The following GALNTL6 variants were observed in gnomAD, a reference collection of about 807,000 sequenced individuals.
The protein encoded by GALNTL6 is polypeptide N-acetylgalactosaminyltransferase-like 6.
GALNTL6 carries 46 observed loss-of-function variants against 73.7 expected under a neutral mutation model. The observed-to-expected ratio is 0.62, with a 90% CI of 0.49 to 0.80. The LOEUF is 0.80. Among genes scored for constraint, GALNTL6 ranks in the 30% least tolerant of loss-of-function variants. The pLI, the probability that GALNTL6 is intolerant of heterozygous loss-of-function variation, is 0.00. For synonymous variants in GALNTL6, 259 were observed against 263.7 expected, an observed-to-expected ratio of 0.98 and a Z score of 0.17; for missense variants, 604 against 755.0, an observed-to-expected ratio of 0.80 and a Z score of 2.34.
At position 172,739,542 on chromosome 4, in the gene GALNTL6, G is replaced by C. The variant is rs138160229; in HGVS notation, c.554-69819G>C. 1.7e-3 allele frequency among the ~76,000 whole-genome samples: 254 copies of C among 152,234 alleles called. 1 individual carries two copies. The highest frequency in any genetic ancestry group is 5.9e-3 in the African/African-American group (247 of 41,540). The stretch of plus-strand genomic sequence containing the variant: ...GCCTTAAAATTAGAAAATTTGGCAA[G>C]AGCTTATCTCAATCATTAAACCAGA... On this transcript the variant is annotated intron_variant, in intron 5 of 12. Transcript: ENST00000506823.
rs550717083 is a variant in GALNTL6 at position 172,128,528 on chromosome 4, G to C, written c.139-101128G>C. On this transcript the variant is annotated intron_variant, in intron 2 of 12. Transcript: ENST00000506823. ...TTCTGATAATACAGGAACTGTTTAC[G>C]TGGCTAAAATTTTGCCCTGATAGGT... 5.3e-5 allele frequency among the ~76,000 whole-genome samples: 8 copies of C among 152,228 alleles called. 1 individual carries two copies. In the South Asian group the frequency reaches 1.7e-3, roughly 32 times the overall value.
intron 8 of GALNTL6, among the ~76,000 whole-genome samples, chr4:172,898,024 G>C (rs1424406784): frequency 6.8e-6 from 1 of 147,172 alleles, no homozygotes; most frequent in African/African-American, 2.7e-5. Flanking sequence ...AAAACATACA[G>C]ATAGAAGAAT....
chr4:172,288,223 T>C (rs937267714), intron 3 of GALNTL6, among the ~76,000 whole-genome samples: 1 of 151,994 alleles, frequency 6.6e-6, no homozygotes, highest in Non-Finnish European at 1.5e-5. Flanking sequence ...CCTGAGTAGC[T>C]GGGACTACAG....
chr4:172,825,078 TTTTCTTTCTTTCTTTC>T (rs70944424), intron 7 of GALNTL6, among the ~76,000 whole-genome samples: 1,564 of 105,622 alleles, frequency 0.015, 24 homozygotes, highest in South Asian at 0.062. Flanking sequence ...TTTGGTTATC[TTTTCTTTCTTTCTTTC>T]TTTCTTTCTT....
chr4:172,688,955 C>G (rs1300325153), intron 5 of GALNTL6, among the ~76,000 whole-genome samples: 4 of 28,590 alleles, frequency 1.4e-4, no homozygotes, highest in Non-Finnish European at 3.2e-4. Context: ...TTTCCCAACT[C>G]CCTACTCAGT....
At chr4:172,249,564 G>T (rs1158617325) in intron 3 of GALNTL6, among the ~76,000 whole-genome samples, 2 of 152,114 alleles carry the variant, frequency 1.3e-5, no homozygotes, top group Non-Finnish European at 2.9e-5. Flanking sequence ...TCACAAACCT[G>T]GAGGCCTAGG....
chr4:172,217,748 C>T (rs74548553), intron 2 of GALNTL6, among the ~76,000 whole-genome samples: 10,803 of 152,070 alleles, frequency 0.071, 410 homozygotes, highest in African/African-American at 0.091. Flanking sequence ...AAATTTTGTC[C>T]TATATGAATA....
chr4:172,203,301 A>G (rs1345266168), intron 2 of GALNTL6, among the ~76,000 whole-genome samples: 4 of 152,216 alleles, frequency 2.6e-5, no homozygotes, highest in African/African-American at 4.8e-5. Flanking sequence ...AGAAAATGCA[A>G]AGAAAGGGAA....
chr4:172,141,664 G>A (rs1368778082), intron 2 of GALNTL6, among the ~76,000 whole-genome samples: 1 of 151,792 alleles, frequency 6.6e-6, no homozygotes, highest in Non-Finnish European at 1.5e-5. Flanking sequence ...CAACAAAAGA[G>A]GATGGCAGAA....
intron 8 of GALNTL6, among the ~76,000 whole-genome samples, chr4:172,917,153 T>C (rs973351209): frequency 2.0e-5 from 3 of 152,194 alleles, no homozygotes. Flanking sequence ...GGGGAAAGGA[T>C]TCCCTATTTA....
intron 5 of GALNTL6, among the ~76,000 whole-genome samples, chr4:172,512,217 G>T (rs1424773257): frequency 1.9e-5 from 1 of 54,044 alleles, no homozygotes. Flanking sequence ...TTTTACTGTT[G>T]GTGCTTTAAA....
intron 5 of GALNTL6, among the ~76,000 whole-genome samples, chr4:172,499,470 A>G (rs1734184679): frequency 6.6e-6 from 1 of 152,258 alleles, no homozygotes; most frequent in South Asian, 2.1e-4. Flanking sequence ...TAAGCTACAC[A>G]GTCTATGGCA....
intron 10 of GALNTL6, among the ~76,000 whole-genome samples, chr4:173,005,601 T>C (rs568903347): frequency 1.3e-5 from 2 of 152,340 alleles, no homozygotes; most frequent in South Asian, 2.1e-4. Context: ...CACTTGTTTA[T>C]TTTAATGGAG....
intron 5 of GALNTL6, among the ~76,000 whole-genome samples, chr4:172,403,692 T>C (rs997256490): frequency 3.9e-5 from 6 of 152,028 alleles, no homozygotes; most frequent in Middle Eastern, 3.2e-3. Flanking sequence ...CATATATTAC[T>C]TTTTTTAAGT....
chr4:172,857,533 AAACTT>A (rs1744182410), intron 7 of GALNTL6, among the ~76,000 whole-genome samples: 2 of 152,196 alleles, frequency 1.3e-5, no homozygotes. Flanking sequence ...TAGGTGAACT[AAACTT>A]AAGAAGAGAA....
chr4:173,006,003 C>G (rs1439098133), intron 10 of GALNTL6, among the ~76,000 whole-genome samples: 1 of 152,192 alleles, frequency 6.6e-6, no homozygotes, highest in Non-Finnish European at 1.5e-5. Flanking sequence ...CTCCAATAGG[C>G]TTTGGTGCAT....
chr4:172,802,217 A>G (rs1440466815), intron 5 of GALNTL6, among the ~76,000 whole-genome samples: 2 of 152,172 alleles, frequency 1.3e-5, no homozygotes. Flanking sequence ...GCAGGCCTCC[A>G]TAACAACAGT....
chr4:172,569,710 C>T (rs1736690739), intron 5 of GALNTL6, among the ~76,000 whole-genome samples: 1 of 152,096 alleles, frequency 6.6e-6, no homozygotes, highest in African/African-American at 2.4e-5. Context: ...AGATGCAGCT[C>T]AGTGTGAGCA....
intron 2 of GALNTL6, among the ~76,000 whole-genome samples, chr4:172,165,634 G>GA (rs1023613380): frequency 2.2e-4 from 34 of 152,116 alleles, no homozygotes; most frequent in Middle Eastern, 6.3e-3. Flanking sequence ...ATGGGAATTG[G>GA]AATCCTGGTG....
Sources: allele counts gnomAD v4.1 joint callset (sites outside exome capture counted in the v4.1 genomes callset), GRCh38; gene constraint gnomAD v4.1.1; transcripts MANE v1.5; gene names NCBI Gene and HGNC (gene_info 2026-07-23, HGNC 2026-07-21).